Variants in RBFOX3 observed in about 807,000 individuals in gnomAD.
RBFOX3 encodes the protein RNA binding protein fox-1 homolog 3.
A neutral mutation model predicts 48.7 loss-of-function variants in RBFOX3; 17 were observed. That is an observed-to-expected ratio of 0.35 (90% CI 0.24 to 0.52). RBFOX3 has a LOEUF of 0.52. Ranked by LOEUF, RBFOX3 falls within the 20% of genes least tolerant of loss-of-function variation. RBFOX3 has a pLI of 0.94. For synonymous variants in RBFOX3, 212 were observed against 209.5 expected (o/e 1.01, Z -0.10); for missense variants, 382 against 497.5 (o/e 0.77, Z 2.21).
At chr17:79,386,698 G>A (rs923183459) in intron 2 of RBFOX3, among the ~76,000 whole-genome samples, 7 of 152,056 alleles carry the variant, frequency 4.6e-5, no homozygotes, top group Admixed American at 1.3e-4. Flanking sequence ...TCTTGGCCCC[G>A]CTGTTCCCTG....
intron 3 of RBFOX3, among the ~76,000 whole-genome samples, chr17:79,288,388 A>G (rs2072464566): frequency 6.6e-6 from 1 of 152,110 alleles, no homozygotes; most frequent in African/African-American, 2.4e-5. Context: ...AAGTCCTCCC[A>G]TGACTGGAGG....
chr17:79,182,957 C>A (rs1383654118), intron 4 of RBFOX3, among the ~76,000 whole-genome samples: 1 of 150,744 alleles, frequency 6.6e-6, no homozygotes, highest in Non-Finnish European at 1.5e-5. Flanking sequence ...CCCCCGCCCC[C>A]TCCCCTCGGG....
rs8070930 is a variant in RBFOX3, at chr17:79,094,963, T to G, written c.999-434A>C. ...ACTGCCCCCAAGAATGTGACACTTG[T>G]GTCCCTCACGACTTTCCCTTCAGCA... is the stretch of plus-strand genomic sequence containing the variant. On this transcript the variant is annotated intron_variant, in intron 13 of 14. Transcript: ENST00000693108. Among the ~76,000 whole-genome samples, 581 of 152,244 alleles carry G rather than the reference T, an allele frequency of 3.8e-3. 3 individuals are homozygous for G. The highest frequency in any genetic ancestry group is 0.013 in the African/African-American group (543 of 41,560).
At chr17:79,467,559 C>T (rs2076480970) in intron 2 of RBFOX3, among the ~76,000 whole-genome samples, 1 of 152,214 alleles carries the variant, frequency 6.6e-6, no homozygotes, top group Non-Finnish European at 1.5e-5. Context: ...CCACCCCCTG[C>T]TCTGCCTGCC....
Position 79,443,828 on chromosome 17 carries a change from C to T in RBFOX3, c.-175+38626G>A, listed in dbSNP as rs112147699. On this transcript the variant is annotated intron_variant, in intron 2 of 14. Transcript: ENST00000693108. The surrounding 1 kb of genome is among the most constrained non-coding windows in gnomAD (Gnocchi z 4.4). ...TTATTTGCTGAGCCCCAGAGTGACC[C>T]TCTGGGATGATGGTGGGAGGGGCAG... is the stretch of plus-strand genomic sequence containing the variant. Among the ~76,000 whole-genome samples, 195 of 152,280 alleles carry T rather than the reference C, an allele frequency of 1.3e-3. 1 individual carries two copies. Among genetic ancestry groups the T allele is most frequent in the Non-Finnish European group, 2.5e-3 (167 of 68,028 alleles).
intron 2 of RBFOX3, among the ~76,000 whole-genome samples, chr17:79,476,408 G>A (rs1437659945): frequency 6.6e-6 from 1 of 152,206 alleles, no homozygotes; most frequent in African/African-American, 2.4e-5. Context: ...CCAAAAAGCA[G>A]TTTTATCCTT....
chr17:79,282,771 C>T (rs770805472), intron 3 of RBFOX3, among the ~76,000 whole-genome samples: 10 of 152,244 alleles, frequency 6.6e-5, no homozygotes, highest in African/African-American at 2.4e-4. Flanking sequence ...ACAACCAACA[C>T]AACATCAGTC....
At chr17:79,154,741 G>A (rs947038141) in intron 4 of RBFOX3, among the ~76,000 whole-genome samples, 17 of 152,352 alleles carry the variant, frequency 1.1e-4, no homozygotes, top group East Asian at 9.6e-4. Flanking sequence ...CCCCTGCCCC[G>A]TTGGCTGGTT....
intron 14 of RBFOX3, chr17:79,092,311 A>G (rs1005769117): frequency 2.0e-6 from 2 of 985,398 alleles, no homozygotes; most frequent in African/African-American, 3.5e-5. Flanking sequence ...CGTACCTGCA[A>G]TGGCTTGGGT....
chr17:79,280,275 CAT>C (rs2144340437), intron 3 of RBFOX3, among the ~76,000 whole-genome samples: 1 of 152,014 alleles, frequency 6.6e-6, no homozygotes, highest in South Asian at 2.1e-4. Flanking sequence ...CACACACATG[CAT>C]ATACGCACAT....
the RBFOX3 span, among the ~76,000 whole-genome samples, chr17:79,630,494 A>G: frequency 1.3e-5 from 2 of 152,146 alleles, no homozygotes; most frequent in African/African-American, 4.8e-5. Context: ...CTGCCTCTTG[A>G]CAGTCCTTTC....
the RBFOX3 span, among the ~76,000 whole-genome samples, chr17:79,656,793 A>AGAAGGAAGGAAGGAAG: frequency 9.7e-5 from 2 of 20,620 alleles, no homozygotes; most frequent in Non-Finnish European, 2.0e-4. Context: ...AAAGAAAGAA[A>AGAAGGAAGGAAGGAAG]GAAAGAAAGA....
At position 79,290,293 on chromosome 17, in the gene RBFOX3, G is replaced by A. The variant is rs150061398; in HGVS notation, c.-74+17431C>T. Among the ~76,000 whole-genome samples, 91 of 152,252 alleles carry A rather than the reference G, an allele frequency of 6.0e-4. 1 individual carries two copies. The East Asian group carries it at 0.014, about 23-fold the overall frequency. Reference sequence around the variant, plus strand: ...GAAGGAATGAGAGGCAGGATGGCTCGTGGCTAGGAATGCAGGCTCTGGGGT... The same window carrying A: ...GAAGGAATGAGAGGCAGGATGGCTCATGGCTAGGAATGCAGGCTCTGGGGT... On this transcript the variant is annotated intron_variant, in intron 3 of 14. Coordinates refer to ENST00000693108, the MANE Select transcript of RBFOX3 (RefSeq NM_001350451.2).
intron 2 of RBFOX3, among the ~76,000 whole-genome samples, chr17:79,428,233 T>C (rs2067742800): frequency 1.3e-5 from 2 of 152,174 alleles, no homozygotes; most frequent in African/African-American, 4.8e-5. Context: ...ATCTCCACAG[T>C]CACAGCCTGA....
rs1442800267 is a variant in RBFOX3 at position 79,150,804 on chromosome 17, T to C, written c.-33-35056A>G. Among the ~76,000 whole-genome samples the C allele has an allele frequency of 2.6e-5, 4 of 151,912 alleles. 1 individual carries two copies. The highest frequency in any genetic ancestry group is 2.0e-4 in the Admixed American group (3 of 15,266). On this transcript the variant is annotated intron_variant, in intron 4 of 14. Transcript: ENST00000693108. ...GCAGGGAACTGCAGAGGCCACAGGGTGCCTCTGACTGGCCATGGGGCCTCA... is the reference window on the plus strand; with the variant it reads ...GCAGGGAACTGCAGAGGCCACAGGGCGCCTCTGACTGGCCATGGGGCCTCA...
chr17:79,633,554 G>A, the RBFOX3 span, among the ~76,000 whole-genome samples: 2 of 151,916 alleles, frequency 1.3e-5, no homozygotes, highest in Non-Finnish European at 2.9e-5. Context: ...AGATGCCTCC[G>A]CAGGCCCCCA....
chr17:79,400,345 G>A (rs117135209), intron 2 of RBFOX3, among the ~76,000 whole-genome samples: 4,511 of 152,248 alleles, frequency 0.03, 96 homozygotes, highest in Non-Finnish European at 0.048. Context: ...GCTTGTAGCC[G>A]AGTCTCTCCA....
rs764094576 is a variant in RBFOX3 at position 79,480,383 on chromosome 17, C to T, written c.-175+2071G>A. On this transcript the variant is annotated intron_variant, in intron 2 of 14. Coordinates refer to ENST00000693108, the MANE Select transcript of RBFOX3 (RefSeq NM_001350451.2). The surrounding 1 kb of genome is among the most constrained non-coding windows in gnomAD (Gnocchi z 4.8). ...GATAGAGTGCGACAGTGGGCTCGCT[C>T]GTCAGCTGTCCCTTGCTTCCACTCT... 5.9e-5 allele frequency among the ~76,000 whole-genome samples: 9 copies of T among 152,152 alleles called. No individual in the cohort carries two copies. Among genetic ancestry groups the T allele is most frequent in the Non-Finnish European group, 1.3e-4 (9 of 68,020 alleles).
At chr17:79,173,564 T>C (rs1227120154) in intron 4 of RBFOX3, among the ~76,000 whole-genome samples, 1 of 152,152 alleles carries the variant, frequency 6.6e-6, no homozygotes, top group Non-Finnish European at 1.5e-5. Context: ...CTGATGCCTT[T>C]AGCTGATCTT....
Sources: allele counts gnomAD v4.1 joint callset (sites outside exome capture counted in the v4.1 genomes callset), GRCh38; gene constraint gnomAD v4.1.1; non-coding constraint Gnocchi (gnomAD v3.1); transcripts MANE v1.5; gene names NCBI Gene and HGNC (gene_info 2026-07-23, HGNC 2026-07-21).